DCHS1: variants seen among roughly 807,000 people sequenced by gnomAD.
DCHS1 encodes protocadherin-16.
A neutral mutation model predicts 213.9 loss-of-function variants in DCHS1; 78 were observed. That is an observed-to-expected ratio of 0.36 (90% CI 0.30 to 0.44). The LOEUF (loss-of-function observed/expected upper bound fraction) is 0.44. Among genes scored for constraint, DCHS1 ranks in the 20% least tolerant of loss-of-function variants. DCHS1 has a pLI of 1.00. For missense variants in DCHS1, 3,946 were observed against 4,395.9 expected (o/e 0.90, Z 2.89); for synonymous variants, 1,828 against 1,873.7 (o/e 0.98, Z 0.63).
rs1212018558 is a variant in DCHS1 at position 6,629,484 on chromosome 11, T to C, written c.5129A>G (p.Asp1710Gly). Reference sequence around the variant, plus strand: ...GTTGATCTCCTCCTGTTCCTCTCGATCCAGGGCCCGAAGAGTCGTGAGAAC... The same window carrying C: ...GTTGATCTCCTCCTGTTCCTCTCGACCCAGGGCCCGAAGAGTCGTGAGAAC... ...TGVLTTLRAL[D>G]REEQEEINLT... is the part of the protein sequence containing the mutation. Residue 1710 changes from aspartate (D) to glycine (G), a missense_variant, in exon 12 of 21, where the codon GAT becomes GGT. This residue lies in a region of DCHS1 where 3,384 missense variants were observed against 3,780.1 expected (regional missense o/e 0.90). Coordinates refer to ENST00000299441, the MANE Select transcript of DCHS1 (RefSeq NM_003737.4). 1 of 1,613,174 alleles carries C rather than the reference T, an allele frequency of 6.2e-7. No individual in the cohort carries two copies. The highest frequency in any genetic ancestry group is 1.1e-5 in the South Asian group (1 of 90,760).
chr11:6,654,546 G>T (rs967801148), intron 1 of DCHS1, among the ~76,000 whole-genome samples: 4 of 152,100 alleles, frequency 2.6e-5, no homozygotes, highest in Non-Finnish European at 5.9e-5. Flanking sequence ...TCTCCTGTGG[G>T]TGTGTGTTGT....
At position 6,629,461 on chromosome 11, in the gene DCHS1, T is replaced by A. The variant is rs1298598358; in HGVS notation, c.5152A>T (p.Asn1718Tyr). The change falls in exon 12 of 21, where the codon AAC (asparagine) becomes TAC (tyrosine). Residue 1718 changes from asparagine to tyrosine, a missense_variant. This residue lies in a region of DCHS1 where 3,384 missense variants were observed against 3,780.1 expected (regional missense o/e 0.90). Coordinates refer to ENST00000299441, the MANE Select transcript of DCHS1 (RefSeq NM_003737.4). ...TCCTGTCAACATGTACCTGTCAGGT[T>A]GATCTCCTCCTGTTCCTCTCGATCC... ...ALDREEQEEINLTVYAQDRGS... is the reference protein window; with the variant it reads ...ALDREEQEEIYLTVYAQDRGS... The A allele has an allele frequency of 1.9e-6, 3 of 1,613,062 alleles. No homozygotes were observed. The South Asian group carries it at 3.3e-5, about 18-fold the overall frequency.
chr11:6,632,582 G>A lies in DCHS1; in HGVS notation c.2930C>T (p.Pro977Leu). The change falls in exon 6 of 21, where the codon CCA becomes CTA. Residue 977 changes from proline (P) to leucine (L), a missense_variant. By Grantham distance (98) the Pro-to-Leu change is moderately conservative. Coordinates refer to ENST00000299441, the MANE Select transcript of DCHS1 (RefSeq NM_003737.4). The surrounding 1 kb of genome is among the most constrained non-coding windows in gnomAD (Gnocchi z 5.9). ...CCGTAGTCGAAAGTGGCTGGTGCGT[G>A]GTGGGGAGCCCCCATCCCGGGCCTC... Reference protein sequence around the residue: ...ELEARDGGSPPRTSHFRLRVV... With the variant: ...ELEARDGGSPLRTSHFRLRVV... The A allele has an allele frequency of 2.0e-6, 3 of 1,513,660 alleles. No individual in the cohort carries two copies. The highest frequency in any genetic ancestry group is 2.4e-5 in the East Asian group (1 of 40,908). The allele number at this position is 1,513,660 out of a possible 1,614,324, so 93.8% of individuals were successfully genotyped here.
In DCHS1 at chr11:6,622,930, C is replaced by T. The variant is rs1286351868; in HGVS notation, c.8746G>A (p.Val2916Met). The T allele has an allele frequency of 6.3e-7, 1 of 1,589,268 alleles. No homozygotes were observed. Among genetic ancestry groups the T allele is most frequent in the Admixed American group, 1.8e-5 (1 of 56,426 alleles). Residue 2916 changes from valine to methionine, a missense_variant, in exon 21 of 21, where the codon GTG (valine) becomes ATG (methionine). Coordinates refer to ENST00000299441, the MANE Select transcript of DCHS1 (RefSeq NM_003737.4). This position sits in a 1 kb window ranked among gnomAD's most constrained non-coding sequence, Gnocchi z 5.4. ...TGGGTGATATCCACGGTCACAGGCACTGTGGCACTCCGGGAACCAGGCAGA... is the reference window on the plus strand; with the variant it reads ...TGGGTGATATCCACGGTCACAGGCATTGTGGCACTCCGGGAACCAGGCAGA... ...GPLPGSRSAT[V>M]PVTVDITHTA...
rs187457472 is a variant in DCHS1, at chr11:6,646,173, G to C, written c.-120-4440C>G. Among the ~76,000 whole-genome samples the C allele has an allele frequency of 7.2e-5, 11 of 151,814 alleles. No individual in the cohort carries two copies. In the East Asian group the frequency reaches 1.7e-3, roughly 24 times the overall value. Reference sequence around the variant, plus strand: ...CCCACCCTCCACACACACAGGCCCAGTGTCACGTATGCACAGACTGACAAG... The same window carrying C: ...CCCACCCTCCACACACACAGGCCCACTGTCACGTATGCACAGACTGACAAG... On this transcript the variant is annotated intron_variant, in intron 1 of 20. Coordinates refer to ENST00000299441, the MANE Select transcript of DCHS1 (RefSeq NM_003737.4).
Position 6,626,434 on chromosome 11 carries a change from C to T in DCHS1, c.6365-54G>A, listed in dbSNP as rs1855805885. 1 of 1,606,076 alleles carries T rather than the reference C, an allele frequency of 6.2e-7. No individual in the cohort carries two copies. Among genetic ancestry groups the T allele is most frequent in the Non-Finnish European group, 8.5e-7 (1 of 1,175,068 alleles). On this transcript the variant is annotated intron_variant, in intron 15 of 20. Transcript: ENST00000299441. The surrounding 1 kb of genome is among the most constrained non-coding windows in gnomAD (Gnocchi z 5.2). ...GCCCCCTTTGCTTGCCCTGGAGCCT[C>T]CTTCTCTAAGACCCCTTACTCAAGG...
intron 2 of DCHS1, among the ~76,000 whole-genome samples, chr11:6,635,963 C>G (rs1268696081): frequency 6.6e-6 from 1 of 152,218 alleles, no homozygotes; most frequent in African/African-American, 2.4e-5. Flanking sequence ...CTCAGCTCAG[C>G]GTCTCAGTCC....
In DCHS1 at chr11:6,630,733, A is replaced by G; in HGVS notation, c.4061T>C (p.Val1354Ala). The change falls in exon 10 of 21, where the codon GTG (valine) becomes GCG (alanine). Residue 1354 changes from valine to alanine, a missense_variant. By Grantham distance (64) the Val-to-Ala change is moderately conservative. This residue lies in a region of DCHS1 where 3,384 missense variants were observed against 3,780.1 expected (regional missense o/e 0.90). Transcript: ENST00000299441. ...GLRPGSLLGS[V>A]AAPEPAGVGA... ...CACACCCGCGGGCTCTGGCGCTGCC[A>G]CCGAGCCCAACAGAGAGCCGGGCCG... The G allele has an allele frequency of 6.5e-7, 1 of 1,544,394 alleles. No individual in the cohort carries two copies. The highest frequency in any genetic ancestry group is 8.7e-7 in the Non-Finnish European group (1 of 1,147,432).
chr11:6,650,702 A>G (rs1856230738), intron 1 of DCHS1, among the ~76,000 whole-genome samples: 1 of 152,140 alleles, frequency 6.6e-6, no homozygotes, highest in Admixed American at 6.6e-5. Flanking sequence ...TGGGGAAAGA[A>G]TCTGGTGAGG....
In DCHS1 at chr11:6,633,206, G is replaced by T. The variant is rs1446434049; in HGVS notation, c.2456-150C>A. On this transcript the variant is annotated intron_variant, in intron 5 of 20. Coordinates refer to ENST00000299441, the MANE Select transcript of DCHS1 (RefSeq NM_003737.4). ...AGGGGCAGGGGTTGGCAAAGAAGTTGGTTGGCACGCACTGAGGTGACATTC... is the reference window on the plus strand; with the variant it reads ...AGGGGCAGGGGTTGGCAAAGAAGTTTGTTGGCACGCACTGAGGTGACATTC... 8 of 1,136,906 alleles carry T rather than the reference G, an allele frequency of 7.0e-6. No homozygotes were observed. In the African/African-American group the frequency reaches 9.5e-5, roughly 13 times the overall value. The allele number at this position is 1,136,906 out of a possible 1,614,324, so 70.4% of individuals were successfully genotyped here.
chr11:6,628,964 C>A lies in DCHS1; in HGVS notation c.5162-134G>T. 1.1e-6 allele frequency: 1 copy of A among 907,394 alleles called. No homozygotes were observed. The highest frequency in any genetic ancestry group is 1.7e-6 in the Non-Finnish European group (1 of 578,112). The allele number at this position is 907,394 out of a possible 1,614,324, so 56.2% of individuals were successfully genotyped here. A position where few individuals can be genotyped will look rare whatever the true frequency, so the allele number is the denominator to read the frequency against. ...TCCATCTCTCCATACCTCTCAGGCA[C>A]ACATGTGTCATGCATACATAAACAT... is the stretch of plus-strand genomic sequence containing the variant. On this transcript the variant is annotated intron_variant, in intron 12 of 20. Transcript: ENST00000299441. This position sits in a 1 kb window ranked among gnomAD's most constrained non-coding sequence, Gnocchi z 4.3.
In DCHS1 at chr11:6,623,380, C is replaced by T. The variant is rs773350586; in HGVS notation, c.8296G>A (p.Glu2766Lys). The T allele has an allele frequency of 1.9e-6, 3 of 1,598,438 alleles. No homozygotes were observed. Among genetic ancestry groups the T allele is most frequent in the Non-Finnish European group, 1.7e-6 (2 of 1,172,522 alleles). The part of the protein sequence containing the change: ...EAFALNSSTG[E>K]LRARVPFDYE... Reference sequence around the variant, plus strand: ...TCAAAGGGCACTCGCGCACGCAACTCCCCTGTTGAGCTGTTCAGTGCAAAT... The same window carrying T: ...TCAAAGGGCACTCGCGCACGCAACTTCCCTGTTGAGCTGTTCAGTGCAAAT... The change falls in exon 21 of 21, where the codon GAG becomes AAG. Residue 2766 changes from glutamate to lysine, a missense_variant. Transcript: ENST00000299441.
chr11:6,629,460 T>C lies in DCHS1; in HGVS notation c.5153A>G (p.Asn1718Ser), dbSNP rs568074694. Residue 1718 changes from asparagine to serine, a missense_variant, in exon 12 of 21, where the codon AAC becomes AGC. Coordinates refer to ENST00000299441, the MANE Select transcript of DCHS1 (RefSeq NM_003737.4). ...ALDREEQEEI[N>S]LTVYAQDRGS... ...GTCCTGTCAACATGTACCTGTCAGG[T>C]TGATCTCCTCCTGTTCCTCTCGATC... The C allele has an allele frequency of 3.7e-6, 6 of 1,613,012 alleles. No homozygotes were observed. In the African/African-American group the frequency reaches 5.3e-5, roughly 14 times the overall value.
chr11:6,655,760 C>T lies in DCHS1; in HGVS notation c.-318G>A, dbSNP rs1259749565. ...CGTCGATCGGTCCGTCCGCTGACGC[C>T]CGGGCGCCGCCTCCTGCACAGCCGC... On this transcript the variant is annotated 5_prime_UTR_variant, in exon 1 of 21. Transcript: ENST00000299441. The T allele has an allele frequency of 1.0e-6, 1 of 980,464 alleles. No homozygotes were observed. Among genetic ancestry groups the T allele is most frequent in the African/African-American group, 1.8e-5 (1 of 56,622 alleles). 60.7% of individuals were successfully genotyped at this position (980,464 alleles called of 1,614,324 possible). A position where few individuals can be genotyped will look rare whatever the true frequency, so the allele number is the denominator to read the frequency against.
chr11:6,628,764 T>C lies in DCHS1; in HGVS notation c.5228A>G (p.Asp1743Gly). 1 of 1,613,936 alleles carries C rather than the reference T, an allele frequency of 6.2e-7. No individual in the cohort carries two copies. Among genetic ancestry groups the C allele is most frequent in the South Asian group, 1.1e-5 (1 of 91,068 alleles). ...THVTVRVAVE[D>G]ENDHAPTFGS... Reference sequence around the variant, plus strand: ...AAAGGTTGGTGCATGGTCATTCTCATCCTCCACAGCCACTCGAACAGTGAC... The same window carrying C: ...AAAGGTTGGTGCATGGTCATTCTCACCCTCCACAGCCACTCGAACAGTGAC... Residue 1743 changes from aspartate to glycine, a missense_variant, in exon 13 of 21, where the codon GAT (aspartate) becomes GGT (glycine). This residue lies in a region of DCHS1 where 3,384 missense variants were observed against 3,780.1 expected (regional missense o/e 0.90). Transcript: ENST00000299441. The surrounding 1 kb of genome is among the most constrained non-coding windows in gnomAD (Gnocchi z 4.3).
Position 6,625,062 on chromosome 11 carries a change from T to C in DCHS1, c.7146+136A>G, listed in dbSNP as rs1422063199. On this transcript the variant is annotated intron_variant, in intron 19 of 20. Transcript: ENST00000299441. The surrounding 1 kb of genome is among the most constrained non-coding windows in gnomAD (Gnocchi z 5.3). ...TACAGGATGCAAAACCAGGATGTAG[T>C]TCACAGGACTTGGGACCTTCCCATT... 3.1e-5 allele frequency: 43 copies of C among 1,394,286 alleles called. No homozygotes were observed. Among genetic ancestry groups the C allele is most frequent in the African/African-American group, 4.3e-5 (3 of 69,452 alleles). The allele number at this position is 1,394,286 out of a possible 1,614,324, so 86.4% of individuals were successfully genotyped here. A position where few individuals can be genotyped will look rare whatever the true frequency, so the allele number is the denominator to read the frequency against.
rs1589961324 is a variant in DCHS1 at position 6,641,672 on chromosome 11, C to T, written c.-59G>A. 5.4e-6 allele frequency: 8 copies of T among 1,481,772 alleles called. No homozygotes were observed. The East Asian group carries it at 7.4e-5, about 14-fold the overall frequency. 91.8% of individuals were successfully genotyped at this position (1,481,772 alleles called of 1,614,324 possible). ...GCTCCAGGCCAGGCTCTGGGCCCAG[C>T]TTGACCTCAGACTTTGGGTCAGGTC... On this transcript the variant is annotated 5_prime_UTR_variant, in exon 2 of 21. Transcript: ENST00000299441. This position sits in a 1 kb window ranked among gnomAD's most constrained non-coding sequence, Gnocchi z 7.1.
intron 5 of DCHS1, 121 bp from the exon 6 acceptor site, chr11:6,633,177 G>T (rs1420953497): frequency 1.4e-5 from 18 of 1,285,026 alleles, no homozygotes; most frequent in Non-Finnish European, 1.5e-5. Flanking sequence ...AAAATATTAG[G>T]AGGAGGGGCA....
At chr11:6,638,058 A>C (rs1272595548) in intron 2 of DCHS1, among the ~76,000 whole-genome samples, 3 of 152,304 alleles carry the variant, frequency 2.0e-5, no homozygotes, top group South Asian at 2.1e-4. Context: ...TCTGGAAGCC[A>C]TAGCCCATTG....
Sources: allele counts gnomAD v4.1 joint callset (sites outside exome capture counted in the v4.1 genomes callset), GRCh38; gene constraint gnomAD v4.1.1; regional missense constraint gnomAD v4.1.1; non-coding constraint Gnocchi (gnomAD v3.1); transcripts MANE v1.5; gene names NCBI Gene and HGNC (gene_info 2026-07-23, HGNC 2026-07-21).